WT1: variants seen among roughly 807,000 people sequenced by gnomAD.
WT1 encodes the protein Wilms tumor protein.
In WT1, 8 loss-of-function variants were observed where a neutral mutation model predicts 60.8. The ratio of observed to expected loss-of-function variants is 0.13; its 90% CI spans 0.08 to 0.24. The LOEUF is 0.24. WT1 is among the 10% of genes least tolerant of loss of function. The pLI, the probability that WT1 is intolerant of heterozygous loss-of-function variation, is 1.00. For synonymous variants in WT1, 312 were observed against 297.1 expected (o/e 1.05, Z -0.52); for missense variants, 568 against 711.8 (o/e 0.80, Z 2.30).
intron 5 of WT1, among the ~76,000 whole-genome samples, chr11:32,407,669 C>T (rs1386822854): frequency 6.6e-6 from 1 of 152,104 alleles, no homozygotes; most frequent in East Asian, 1.9e-4. Context: ...TCCCCACCCT[C>T]GATACTCAGG....
chr11:32,420,654 G>A (rs1277130495), intron 3 of WT1, among the ~76,000 whole-genome samples: 1 of 152,066 alleles, frequency 6.6e-6, no homozygotes, highest in Non-Finnish European at 1.5e-5. Context: ...AAGGCATCCT[G>A]AGCCTCATCC....
chr11:32,392,851 T>C, intron 7 of WT1, 96 bp from the exon 8 acceptor site: 2 of 1,118,696 alleles, frequency 1.8e-6, no homozygotes, highest in Non-Finnish European at 2.7e-6. Context: ...GATCCCAAAA[T>C]GCCTAAGGCA....
chr11:32,399,200 T>C (rs1383046078), intron 6 of WT1, among the ~76,000 whole-genome samples: 1 of 149,216 alleles, frequency 6.7e-6, no homozygotes, highest in Non-Finnish European at 1.5e-5. Context: ...CCGGTGATTA[T>C]TGGGAAGAGA....
chr11:32,409,173 A>G (rs935402465), intron 5 of WT1, among the ~76,000 whole-genome samples: 2 of 152,174 alleles, frequency 1.3e-5, no homozygotes, highest in Non-Finnish European at 2.9e-5. Flanking sequence ...CATAAATATT[A>G]TTTTATTATT....
intron 7 of WT1, among the ~76,000 whole-genome samples, chr11:32,395,189 A>G (rs1345651973): frequency 6.6e-6 from 1 of 152,224 alleles, no homozygotes; most frequent in Non-Finnish European, 1.5e-5. Context: ...ATCAGCAGTA[A>G]TAACACAGTT....
At chr11:32,396,930 A>G (rs1387245906) in intron 6 of WT1, among the ~76,000 whole-genome samples, 1 of 152,234 alleles carries the variant, frequency 6.6e-6, no homozygotes, top group South Asian at 2.1e-4. Context: ...ATAACAAGGA[A>G]GAAGAAGCCC....
chr11:32,430,481 A>AGAGAGAGAGAGAGG (rs1853258894), intron 1 of WT1: 1 of 1,591,660 alleles, frequency 6.3e-7, no homozygotes. Context: ...AGAGAGAGAG[A>AGAGAGAGAGAGAGG]GAGAGAGAGA....
chr11:32,429,766 C>T (rs1464685625), intron 1 of WT1, among the ~76,000 whole-genome samples: 3 of 151,946 alleles, frequency 2.0e-5, no homozygotes, highest in Non-Finnish European at 2.9e-5. Context: ...ATCCTCCTGG[C>T]CCAGGACTGC....
chr11:32,412,385 C>A (rs1852528511), intron 5 of WT1, among the ~76,000 whole-genome samples: 1 of 152,158 alleles, frequency 6.6e-6, no homozygotes, highest in African/African-American at 2.4e-5. Context: ...TTTTGCTGAG[C>A]ACTCCTTTCA....
At chr11:32,421,138 A>G (rs1412120316) in intron 3 of WT1, among the ~76,000 whole-genome samples, 2 of 152,210 alleles carry the variant, frequency 1.3e-5, no homozygotes, top group Non-Finnish European at 2.9e-5. Context: ...AAAAATGTGA[A>G]CTGGAGCTAA....
chr11:32,424,308 T>A (rs544843117), intron 3 of WT1, among the ~76,000 whole-genome samples: 3 of 152,306 alleles, frequency 2.0e-5, no homozygotes, highest in East Asian at 1.9e-4. Context: ...CTGATTCTGA[T>A]TCTCACTTGC....
chr11:32,434,665 C>T lies in WT1; in HGVS notation c.661+35G>A, dbSNP rs776215255. 8.4e-5 allele frequency: 136 copies of T among 1,612,174 alleles called. 1 individual carries two copies. In the South Asian group the frequency reaches 1.3e-3, roughly 16 times the overall value. On this transcript the variant is annotated intron_variant, in intron 1 of 9. Coordinates refer to ENST00000452863, the MANE Select transcript of WT1 (RefSeq NM_024426.6). ...GAGCGGAGAGTCCCTGGCGCCACTG[C>T]CCCGCGCGTAGGGGGCGCTCCCCGG...
chr11:32,431,156 C>T (rs1360833156), intron 1 of WT1, among the ~76,000 whole-genome samples: 3 of 152,144 alleles, frequency 2.0e-5, no homozygotes, highest in African/African-American at 7.2e-5. Flanking sequence ...CTGGCCTGGC[C>T]GGGCCGTGAG....
chr11:32,417,729 A>T (rs1394434535), intron 3 of WT1, 75 bp from the exon 4 acceptor site: 1 of 1,332,956 alleles, frequency 7.5e-7, no homozygotes, highest in Admixed American at 1.7e-5. Context: ...AAAGCAATGG[A>T]GTTTTAACTT....
chr11:32,398,755 G>T (rs747589496), intron 6 of WT1, among the ~76,000 whole-genome samples: 1 of 151,648 alleles, frequency 6.6e-6, no homozygotes, highest in Non-Finnish European at 1.5e-5. Flanking sequence ...GAAATGAAGG[G>T]GGAAAGGCCA....
chr11:32,423,987 C>T (rs1852938752), intron 3 of WT1, among the ~76,000 whole-genome samples: 1 of 151,898 alleles, frequency 6.6e-6, no homozygotes, highest in Non-Finnish European at 1.5e-5. Context: ...ACGGTGAAAC[C>T]CCCTCTCTAC....
At chr11:32,430,486 G>GAGAGAGAGAGAGAGAT in intron 1 of WT1, 1 of 1,570,744 alleles carries the variant, frequency 6.4e-7, no homozygotes, top group Non-Finnish European at 8.7e-7. Context: ...GAGAGAGAGA[G>GAGAGAGAGAGAGAGAT]AGAGACGAAA....
chr11:32,428,232 C>T (rs975002962), intron 2 of WT1, among the ~76,000 whole-genome samples, 174 bp from the exon 3 acceptor site: 2 of 152,246 alleles, frequency 1.3e-5, no homozygotes, highest in Non-Finnish European at 2.9e-5. Context: ...TCTCACTTTG[C>T]ATTCCCCTAG....
chr11:32,430,782 C>T (rs901155174), intron 1 of WT1: 7 of 1,318,668 alleles, frequency 5.3e-6, no homozygotes, highest in African/African-American at 2.9e-5. Flanking sequence ...CCCTCTCCTT[C>T]AGGTCCCCCC....
Sources: allele counts gnomAD v4.1 joint callset (sites outside exome capture counted in the v4.1 genomes callset), GRCh38; gene constraint gnomAD v4.1.1; transcripts MANE v1.5; gene names NCBI Gene and HGNC (gene_info 2026-07-23, HGNC 2026-07-21).